The following MRAP2 variants were observed in gnomAD, a reference collection of about 807,000 sequenced individuals.
MRAP2 encodes the protein melanocortin-2 receptor accessory protein 2.
In MRAP2, 20 loss-of-function variants were observed where a neutral mutation model predicts 17.4. The ratio of observed to expected loss-of-function variants is 1.15; its 90% CI spans 0.81 to 1.67. MRAP2 has a LOEUF of 1.67. MRAP2 is among the 40% of genes most tolerant of loss of function. MRAP2 has a pLI of 0.00. For missense variants in MRAP2, 238 were observed against 240.0 expected (o/e 0.99, Z 0.05); for synonymous variants, 96 against 88.4 (o/e 1.09, Z -0.48).
intron 3 of MRAP2, among the ~76,000 whole-genome samples, chr6:84,069,294 T>G (rs1371180591): frequency 6.6e-6 from 1 of 152,214 alleles, no homozygotes; most frequent in Non-Finnish European, 1.5e-5. Flanking sequence ...TGCTGAGTTT[T>G]AATCATAAAG....
At chr6:84,123,013 C>G in the MRAP2 span, among the ~76,000 whole-genome samples, 1 of 151,372 alleles carries the variant, frequency 6.6e-6, no homozygotes, top group Non-Finnish European at 1.5e-5. Context: ...ACACACAGCA[C>G]CTAGGAATAC....
chr6:84,037,017 T>C (rs1332650435), intron 1 of MRAP2, among the ~76,000 whole-genome samples: 1 of 151,532 alleles, frequency 6.6e-6, no homozygotes, highest in Non-Finnish European at 1.5e-5. Flanking sequence ...AGAGGGCTGA[T>C]TGGTGCATCC....
At chr6:84,138,848 T>G in the MRAP2 span, among the ~76,000 whole-genome samples, 2 of 152,206 alleles carry the variant, frequency 1.3e-5, no homozygotes, top group Non-Finnish European at 2.9e-5. Flanking sequence ...TTAACAAAGT[T>G]TTATGTACAT....
intron 3 of MRAP2, chr6:84,063,409 A>ATAGT: frequency 3.0e-6 from 3 of 985,388 alleles, no homozygotes; most frequent in Non-Finnish European, 3.6e-6. Context: ...AAGCAGAGTA[A>ATAGT]TAGTTGTTCC....
intron 3 of MRAP2, among the ~76,000 whole-genome samples, chr6:84,076,142 A>G (rs1233912660): frequency 6.6e-6 from 1 of 151,544 alleles, no homozygotes; most frequent in East Asian, 1.9e-4. Flanking sequence ...GCTCACTGCT[A>G]GCCTCAACTG....
intron 3 of MRAP2, among the ~76,000 whole-genome samples, chr6:84,072,604 G>A (rs1430435761): frequency 1.3e-5 from 2 of 152,208 alleles, no homozygotes; most frequent in African/African-American, 4.8e-5. Flanking sequence ...GTAGTTTGGG[G>A]AGGAACAGGT....
chr6:84,126,675 G>A, the MRAP2 span, among the ~76,000 whole-genome samples: 1 of 152,124 alleles, frequency 6.6e-6, no homozygotes, highest in South Asian at 2.1e-4. Context: ...AGAAAGTAAA[G>A]GTTCCTCCTA....
At chr6:84,077,981 C>T (rs1043801247) in intron 3 of MRAP2, among the ~76,000 whole-genome samples, 19 of 151,936 alleles carry the variant, frequency 1.3e-4, no homozygotes, top group African/African-American at 2.4e-4. Flanking sequence ...AAATTTTGAA[C>T]GTTACTTAAT....
intron 3 of MRAP2, among the ~76,000 whole-genome samples, chr6:84,071,406 G>T (rs1228648419): frequency 6.6e-6 from 1 of 152,062 alleles, no homozygotes; most frequent in African/African-American, 2.4e-5. Context: ...TGAAGATAGG[G>T]CCCCAATCCC....
At chr6:84,131,665 C>CTT in the MRAP2 span, among the ~76,000 whole-genome samples, 1 of 149,788 alleles carries the variant, frequency 6.7e-6, no homozygotes, top group African/African-American at 2.5e-5. Context: ...GCAACCGCTG[C>CTT]TTTTTTTTTG....
At chr6:84,133,973 C>T in the MRAP2 span, among the ~76,000 whole-genome samples, 1 of 152,170 alleles carries the variant, frequency 6.6e-6, no homozygotes, top group Non-Finnish European at 1.5e-5. Flanking sequence ...GGAGCTGTTC[C>T]TCTTTGGCCA....
chr6:84,043,967 T>G (rs1392959679), intron 1 of MRAP2, among the ~76,000 whole-genome samples: 1 of 152,160 alleles, frequency 6.6e-6, no homozygotes, highest in Non-Finnish European at 1.5e-5. Flanking sequence ...TTAATGACAT[T>G]TTGTAAATGT....
rs1411390499 is a variant in MRAP2, at chr6:84,035,171, T to C, written c.-8+1288T>C. On this transcript the variant is annotated intron_variant, in intron 1 of 3. Transcript: ENST00000257776. ...GCCAGCCTAAACCCTTTAAAGAGGG[T>C]CTCGAAGCCCGAAACTGGACTGGAT... Among the ~76,000 whole-genome samples, 4 of 152,096 alleles carry C rather than the reference T, an allele frequency of 2.6e-5. No homozygotes were observed. The East Asian group carries it at 7.7e-4, about 29-fold the overall frequency.
chr6:84,108,616 C>T, the MRAP2 span, among the ~76,000 whole-genome samples: 3 of 152,184 alleles, frequency 2.0e-5, no homozygotes, highest in East Asian at 3.9e-4. Flanking sequence ...AAATCTTCTC[C>T]CATTCCATAG....
the MRAP2 span, among the ~76,000 whole-genome samples, chr6:84,135,022 CAT>C: frequency 6.6e-6 from 1 of 151,282 alleles, no homozygotes; most frequent in African/African-American, 2.4e-5. Flanking sequence ...CATGAACAAA[CAT>C]GTATTTGCAT....
intron 1 of MRAP2, among the ~76,000 whole-genome samples, chr6:84,036,330 A>C (rs565466382): frequency 6.6e-6 from 1 of 152,194 alleles, no homozygotes; most frequent in African/African-American, 2.4e-5. Context: ...GCCTTGTTGA[A>C]TAGATTTACT....
rs141426872 is a variant in MRAP2 at position 84,089,072 on chromosome 6, A to C, written c.228-19A>C. The C allele has an allele frequency of 1.8e-3, 2,812 of 1,588,048 alleles. 27 individuals carry two copies. The African/African-American group carries it at 0.022, about 13-fold the overall frequency. ...TGGGCTGGAGTGTAAGCAGTCTTTT[A>C]TTTTCTTTTTTTAAATAGCAATGCA... On this transcript the variant is annotated intron_variant, in intron 3 of 3. Transcript: ENST00000257776.
the MRAP2 span, among the ~76,000 whole-genome samples, chr6:84,122,925 T>C: frequency 6.6e-6 from 1 of 151,980 alleles, no homozygotes; most frequent in Non-Finnish European, 1.5e-5. Context: ...GGAATCTCTA[T>C]ACACCAATAA....
chr6:84,036,441 C>T (rs912601856), intron 1 of MRAP2, among the ~76,000 whole-genome samples: 5 of 152,070 alleles, frequency 3.3e-5, no homozygotes, highest in Admixed American at 2.0e-4. Context: ...TGAGTGTTAA[C>T]AGTTCTTAAA....
Sources: allele counts gnomAD v4.1 joint callset (sites outside exome capture counted in the v4.1 genomes callset), GRCh38; gene constraint gnomAD v4.1.1; transcripts MANE v1.5; gene names NCBI Gene and HGNC (gene_info 2026-07-23, HGNC 2026-07-21).